DIAPH2: variants seen among roughly 807,000 people sequenced by gnomAD.
The protein encoded by DIAPH2 is diaphanous related formin 2.
In DIAPH2, 35 loss-of-function variants were observed where a neutral mutation model predicts 92.7. That is an observed-to-expected ratio of 0.38 (90% CI 0.29 to 0.50). DIAPH2 has a LOEUF of 0.50. Among genes scored for constraint, DIAPH2 ranks in the 20% least tolerant of loss-of-function variants. DIAPH2 has a pLI of 0.94. For missense variants in DIAPH2, 701 were observed against 819.5 expected (o/e 0.86, Z 1.77); for synonymous variants, 301 against 280.4 (o/e 1.07, Z -0.73).
At chrX:97,290,232 G>T (rs188237853) in intron 23 of DIAPH2, among the ~76,000 whole-genome samples, 35 of 111,097 alleles carry the variant, frequency 3.2e-4, no homozygotes, top group African/African-American at 1.1e-3. Context: ...CATTTGCTTT[G>T]CTTTCATTTT....
chrX:97,119,691 G>C (rs1389928186), intron 21 of DIAPH2, among the ~76,000 whole-genome samples: 1 of 111,654 alleles, frequency 9.0e-6, no homozygotes, highest in Non-Finnish European at 1.9e-5. Flanking sequence ...GTCTAGGCAT[G>C]TCTGACCTCA....
chrX:97,227,051 G>C (rs1188736838), intron 22 of DIAPH2, among the ~76,000 whole-genome samples: 1 of 110,613 alleles, frequency 9.0e-6, no homozygotes, highest in Non-Finnish European at 1.9e-5. Flanking sequence ...CAGGTGGATT[G>C]CCTGAGGTCA....
At chrX:97,019,497 A>G (rs2066283013) in intron 17 of DIAPH2, among the ~76,000 whole-genome samples, 1 of 110,684 alleles carries the variant, frequency 9.0e-6, no homozygotes, top group East Asian at 2.8e-4. Context: ...TGACAATCAC[A>G]TATTTCTTAA....
chrX:97,020,001 G>A (rs1006773237), intron 17 of DIAPH2, among the ~76,000 whole-genome samples: 2 of 112,003 alleles, frequency 1.8e-5, no homozygotes, highest in African/African-American at 6.5e-5. Flanking sequence ...AAAGCTAATG[G>A]CAATAATGCC....
intron 1 of DIAPH2, among the ~76,000 whole-genome samples, chrX:96,718,751 G>C (rs1054750772): frequency 2.7e-5 from 3 of 111,713 alleles, no homozygotes; most frequent in Non-Finnish European, 5.6e-5. Context: ...TGAGAGAGCA[G>C]ATATCTCTTT....
chrX:97,394,058 A>G (rs1343230249), intron 25 of DIAPH2, among the ~76,000 whole-genome samples: 1 of 112,042 alleles, frequency 8.9e-6, no homozygotes, highest in Non-Finnish European at 1.9e-5. Flanking sequence ...AAATAATTAC[A>G]TCTTATAAGT....
At chrX:96,753,506 G>C (rs2064206416) in intron 3 of DIAPH2, among the ~76,000 whole-genome samples, 1 of 111,677 alleles carries the variant, frequency 9.0e-6, no homozygotes, top group African/African-American at 3.3e-5. Context: ...GAGTACTTTA[G>C]CCTGAAAGAA....
chrX:96,926,077 A>G (rs780030585), intron 9 of DIAPH2, among the ~76,000 whole-genome samples: 1 of 111,564 alleles, frequency 9.0e-6, no homozygotes, highest in East Asian at 2.8e-4. Flanking sequence ...TAAATGTACA[A>G]TTTGTCACAG....
intron 23 of DIAPH2, among the ~76,000 whole-genome samples, chrX:97,304,164 C>T (rs1456746624): frequency 2.7e-5 from 3 of 111,974 alleles, no homozygotes; most frequent in East Asian, 2.8e-4. Flanking sequence ...GACTTCAGAA[C>T]ATTATGAAGC....
Position 97,231,375 on chromosome X carries a change from A to T in DIAPH2, c.2720-16340A>T, listed in dbSNP as rs762179747. 2.7e-5 allele frequency among the ~76,000 whole-genome samples: 3 copies of T among 109,711 alleles called. No homozygotes were observed. In the South Asian group the frequency reaches 1.2e-3, roughly 44 times the overall value. On this transcript the variant is annotated intron_variant, in intron 22 of 26. Coordinates refer to ENST00000324765, the MANE Select transcript of DIAPH2 (RefSeq NM_006729.5). ...GGGAATAGTTCAGTCATCTCTTAAC[A>T]TCTGGATGTACTGTTTTATTATTTT...
intron 4 of DIAPH2, among the ~76,000 whole-genome samples, chrX:96,778,290 TAG>T (rs913860251): frequency 9.0e-6 from 1 of 111,095 alleles, no homozygotes; most frequent in African/African-American, 3.3e-5. Context: ...TTTCTTATTT[TAG>T]AAATGTCAAG....
chrX:97,042,353 G>A (rs1032596596), intron 17 of DIAPH2, among the ~76,000 whole-genome samples: 2 of 111,373 alleles, frequency 1.8e-5, no homozygotes, highest in Non-Finnish European at 3.8e-5. Flanking sequence ...AGATTGTGAA[G>A]CTAGTACTTT....
At chrX:96,980,571 A>G (rs747315117) in intron 17 of DIAPH2, among the ~76,000 whole-genome samples, 51 of 110,846 alleles carry the variant, frequency 4.6e-4, no homozygotes, top group Admixed American at 9.6e-5. Context: ...CCATGGTTCC[A>G]GGCTTGAAGG....
intron 17 of DIAPH2, among the ~76,000 whole-genome samples, chrX:97,006,464 G>A (rs1478707876): frequency 1.8e-5 from 2 of 112,120 alleles, no homozygotes; most frequent in African/African-American, 6.5e-5. Context: ...GTGCTCCAGT[G>A]TTGGCTGCAT....
At chrX:97,523,375 T>C (rs1472141510) in intron 26 of DIAPH2, among the ~76,000 whole-genome samples, 2 of 111,855 alleles carry the variant, frequency 1.8e-5, no homozygotes, top group Non-Finnish European at 3.8e-5. Context: ...ACCTCAGATA[T>C]GGAGATAATG....
chrX:96,762,398 A>G (rs1298686276), intron 4 of DIAPH2, among the ~76,000 whole-genome samples: 3 of 111,500 alleles, frequency 2.7e-5, no homozygotes, highest in South Asian at 3.7e-4. Context: ...TTGTCTTCAC[A>G]TTATGTAGAA....
intron 3 of DIAPH2, among the ~76,000 whole-genome samples, chrX:96,746,532 C>CT (rs200924520): frequency 0.19 from 20,854 of 108,542 alleles, 1,593 homozygotes; most frequent in East Asian, 0.32. Context: ...TTATTGGTAA[C>CT]TTTTTTTTTC....
intron 22 of DIAPH2, among the ~76,000 whole-genome samples, chrX:97,213,948 G>A: frequency 8.9e-6 from 1 of 112,048 alleles, no homozygotes; most frequent in African/African-American, 3.2e-5. Flanking sequence ...GCCTGTTCAA[G>A]TCCAGGAAAT....
In DIAPH2 at chrX:97,489,677, C is replaced by T. The variant is rs879102816; in HGVS notation, c.3241+59932C>T. On this transcript the variant is annotated intron_variant, in intron 26 of 26. Coordinates refer to ENST00000324765, the MANE Select transcript of DIAPH2 (RefSeq NM_006729.5). The stretch of plus-strand genomic sequence containing the variant: ...TGAATTTTTTCAAATGCTTTTTCTG[C>T]ATCTATTGGGATGATTGTGTGATTT... Among the ~76,000 whole-genome samples the T allele has an allele frequency of 3.6e-5, 4 of 111,359 alleles. No individual in the cohort carries two copies. In the Admixed American group the frequency reaches 3.8e-4, roughly 11 times the overall value.
Sources: gnomAD v4.1 joint callset for allele counts (sites outside exome capture counted in the v4.1 genomes callset) on GRCh38, gnomAD v4.1.1 for gene constraint, MANE v1.5 for transcripts, NCBI Gene and HGNC (gene_info 2026-07-23, HGNC 2026-07-21) for gene names.